LARS1: variants seen among roughly 807,000 people sequenced by gnomAD.
LARS1 encodes the protein leucine--tRNA ligase, cytoplasmic.
LARS1 carries 100 observed loss-of-function variants against 162.8 expected under a neutral mutation model. The observed-to-expected ratio is 0.61, with a 90% CI of 0.52 to 0.73. LARS1 has a LOEUF of 0.73. Among genes scored for constraint, LARS1 ranks in the 30% least tolerant of loss-of-function variants. The pLI is 0.00. For missense variants in LARS1, 1,258 were observed against 1,408.9 expected (o/e 0.89, Z 1.71); for synonymous variants, 457 against 462.8 (o/e 0.99, Z 0.16).
At chr5:146,162,071 A>G (rs1561825490) in intron 6 of LARS1, among the ~76,000 whole-genome samples, 1 of 152,260 alleles carries the variant, frequency 6.6e-6, no homozygotes, top group Admixed American at 6.5e-5. Flanking sequence ...AACGTCATCC[A>G]TAAGAGTTAA....
chr5:146,158,928 C>T (rs933357049), intron 8 of LARS1, among the ~76,000 whole-genome samples: 9 of 152,030 alleles, frequency 5.9e-5, no homozygotes, highest in Non-Finnish European at 1.0e-4. Context: ...AACCCCGTCT[C>T]TACTAAAAAT....
At chr5:146,177,162 G>A (rs1178403519) in intron 2 of LARS1, among the ~76,000 whole-genome samples, 1 of 152,078 alleles carries the variant, frequency 6.6e-6, no homozygotes, top group Non-Finnish European at 1.5e-5. Context: ...TAAAGCCAAC[G>A]GTTTTAGAAA....
chr5:146,175,980 C>A (rs1374168519), intron 2 of LARS1, among the ~76,000 whole-genome samples: 1 of 151,956 alleles, frequency 6.6e-6, no homozygotes, highest in Non-Finnish European at 1.5e-5. Context: ...CATAGCAAGA[C>A]CCTGTCTCTA....
At chr5:146,130,229 T>C (rs961374521) in intron 24 of LARS1, 71 bp from the exon 25 acceptor site, 22 of 1,446,652 alleles carry the variant, frequency 1.5e-5, no homozygotes, top group Non-Finnish European at 2.1e-5. Context: ...AAAATTGCAG[T>C]ATCTTGGTTT....
intron 2 of LARS1, among the ~76,000 whole-genome samples, chr5:146,176,312 C>T (rs879811852): frequency 2.6e-5 from 4 of 151,650 alleles, no homozygotes; most frequent in Non-Finnish European, 5.9e-5. Flanking sequence ...ATTAGCTGGG[C>T]GTGGTGGCAC....
intron 21 of LARS1, among the ~76,000 whole-genome samples, chr5:146,137,152 C>T (rs1752545620): frequency 6.6e-6 from 1 of 152,216 alleles, no homozygotes; most frequent in African/African-American, 2.4e-5. Context: ...CCCGCCTTGG[C>T]CTCCCAAAGT....
intron 23 of LARS1, chr5:146,132,582 A>G (rs1190930716): frequency 5.1e-6 from 1 of 196,574 alleles, no homozygotes; most frequent in Non-Finnish European, 1.0e-5. Context: ...AAGCAAGTTC[A>G]TATCCCAAGT....
At chr5:146,148,767 G>A (rs11948180) in intron 15 of LARS1, among the ~76,000 whole-genome samples, 33,816 of 151,956 alleles carry the variant, frequency 0.22, 4,820 homozygotes, top group Admixed American at 0.34. Flanking sequence ...AAGCATTTAG[G>A]TCAGAGATCT....
intron 25 of LARS1, 62 bp from the exon 26 acceptor site, chr5:146,129,180 G>C: frequency 7.2e-7 from 1 of 1,389,782 alleles, no homozygotes; most frequent in Non-Finnish European, 9.7e-7. Context: ...CTATTTTACG[G>C]TTCTTGATTA....
At chr5:146,142,816 C>T (rs1455404579) in intron 20 of LARS1, 56 bp downstream of exon 20, 2 of 1,317,464 alleles carry the variant, frequency 1.5e-6, no homozygotes, top group Non-Finnish European at 2.1e-6. Context: ...TTTGAAGCCA[C>T]AAGACACCCC....
rs142759785 is a variant in LARS1 at position 146,172,745 on chromosome 5, T to C, written c.155A>G (p.Tyr52Cys). The C allele has an allele frequency of 1.9e-6, 3 of 1,575,922 alleles. No homozygotes were observed. The highest frequency in any genetic ancestry group is 2.6e-6 in the Non-Finnish European group (3 of 1,162,154). Residue 52 changes from tyrosine (Y) to cysteine (C), a missense_variant, in exon 3 of 32, where the codon TAT becomes TGT. Transcript: ENST00000394434. ...ATGAAGGCGTCCATTCATATATGGA[T>C]ATGGGAAGGTTACAAAATACTTGCC... ...SKGKYFVTFP[Y>C]PYMNGRLHLG...
intron 22 of LARS1, among the ~76,000 whole-genome samples, chr5:146,134,512 T>C (rs10068337): frequency 0.029 from 4,490 of 152,288 alleles, 191 homozygotes; most frequent in African/African-American, 0.098. Context: ...CAATGACTAA[T>C]TATATAAGAA....
intron 4 of LARS1, among the ~76,000 whole-genome samples, chr5:146,169,907 T>G (rs1040355494): frequency 6.6e-6 from 1 of 152,114 alleles, no homozygotes; most frequent in Admixed American, 6.6e-5. Flanking sequence ...CCTGGCAGGA[T>G]TAACTTAATT....
intron 2 of LARS1, among the ~76,000 whole-genome samples, chr5:146,173,343 T>C (rs4705438): frequency 0.22 from 33,629 of 150,702 alleles, 4,793 homozygotes; most frequent in Admixed American, 0.34. Context: ...AAAATGAGAC[T>C]CCATCTCAAA....
At chr5:146,114,450 C>T in intron 31 of LARS1, 139 bp from the exon 32 acceptor site, 2 of 724,628 alleles carry the variant, frequency 2.8e-6, no homozygotes, top group Non-Finnish European at 4.5e-6. Context: ...AAATAAAAGC[C>T]ACGCTGGGTG....
intron 2 of LARS1, among the ~76,000 whole-genome samples, chr5:146,177,037 A>G (rs368979748): frequency 1.3e-5 from 2 of 152,178 alleles, no homozygotes; most frequent in African/African-American, 2.4e-5. Context: ...TACAAACCCC[A>G]TAAGAAAAAA....
intron 20 of LARS1, 41 bp downstream of exon 20, chr5:146,142,831 G>A: frequency 2.7e-6 from 4 of 1,482,850 alleles, no homozygotes; most frequent in Non-Finnish European, 3.7e-6. Context: ...CACCCCTATT[G>A]ACAATCAATA....
chr5:146,168,306 T>C, intron 4 of LARS1, 41 bp from the exon 5 acceptor site: 1 of 1,563,394 alleles, frequency 6.4e-7, no homozygotes. Flanking sequence ...AAAATCAAGG[T>C]AGACACAATT....
At chr5:146,149,108 C>T (rs941860384) in intron 15 of LARS1, among the ~76,000 whole-genome samples, 5 of 151,796 alleles carry the variant, frequency 3.3e-5, no homozygotes, top group East Asian at 3.9e-4. Context: ...AATACTAAAA[C>T]GATTAAATGT....
Sources: gnomAD v4.1 joint callset for allele counts (sites outside exome capture counted in the v4.1 genomes callset) on GRCh38, gnomAD v4.1.1 for gene constraint, MANE v1.5 for transcripts, NCBI Gene and HGNC (gene_info 2026-07-23, HGNC 2026-07-21) for gene names.